The following EEF2K variants were observed in gnomAD, a reference collection of about 807,000 sequenced individuals.
EEF2K encodes eukaryotic elongation factor 2 kinase.
A neutral mutation model predicts 93.8 loss-of-function variants in EEF2K; 70 were observed. The ratio of observed to expected loss-of-function variants is 0.75; its 90% CI spans 0.62 to 0.91. The LOEUF is 0.91. Among genes scored for constraint, EEF2K ranks in the 40% least tolerant of loss-of-function variants. The pLI is 0.00. For missense variants in EEF2K, 935 were observed against 972.9 expected, an observed-to-expected ratio of 0.96 and a Z score of 0.52; for synonymous variants, 376 against 380.8, an observed-to-expected ratio of 0.99 and a Z score of 0.15.
chr16:22,279,595 A>G (rs769672431), intron 16 of EEF2K, among the ~76,000 whole-genome samples: 7 of 152,228 alleles, frequency 4.6e-5, no homozygotes, highest in Non-Finnish European at 7.3e-5. Context: ...ATTTTAAAAT[A>G]TACAATTACA....
intron 1 of EEF2K, among the ~76,000 whole-genome samples, chr16:22,217,628 T>G (rs907421123): frequency 6.6e-6 from 1 of 152,182 alleles, no homozygotes; most frequent in African/African-American, 2.4e-5. Flanking sequence ...AATTTTTGTA[T>G]TTTTAGTAGA....
chr16:22,250,898 C>A (rs1314468720), intron 5 of EEF2K, among the ~76,000 whole-genome samples: 1 of 152,216 alleles, frequency 6.6e-6, no homozygotes, highest in South Asian at 2.1e-4. Flanking sequence ...GAACACCCCA[C>A]TTACCTCTGC....
At chr16:22,207,969 C>T (rs748106427) in intron 1 of EEF2K, among the ~76,000 whole-genome samples, 1 of 152,130 alleles carries the variant, frequency 6.6e-6, no homozygotes, top group Non-Finnish European at 1.5e-5. Context: ...AGGTGTCTTC[C>T]TTCTGTGTGG....
chr16:22,266,911 G>T, intron 15 of EEF2K, 35 bp downstream of exon 15: 1 of 1,570,272 alleles, frequency 6.4e-7, no homozygotes, highest in Non-Finnish European at 8.7e-7. Context: ...TGCAGGTGGG[G>T]GTGGGACTTG....
In EEF2K at chr16:22,267,531, G is replaced by T. The variant is rs150875974; in HGVS notation, c.1764+655G>T. Among the ~76,000 whole-genome samples, 694 of 151,854 alleles carry T rather than the reference G, an allele frequency of 4.6e-3. 4 individuals are homozygous for T. Among genetic ancestry groups the T allele is most frequent in the Non-Finnish European group, 7.1e-3 (480 of 67,946 alleles). On this transcript the variant is annotated intron_variant, in intron 15 of 17. Coordinates refer to ENST00000263026, the MANE Select transcript of EEF2K (RefSeq NM_013302.5). ...AATCTCTTGAACCTGGGAGACAGAG[G>T]TTATAGTGAGCTGAGATCACACTAC...
chr16:22,253,557 T>C (rs1598189169), intron 6 of EEF2K, among the ~76,000 whole-genome samples: 1 of 152,240 alleles, frequency 6.6e-6, no homozygotes, highest in East Asian at 1.9e-4. Context: ...TAGCTACTTC[T>C]TATAGTTCAG....
chr16:22,274,755 G>A (rs1292097598), intron 16 of EEF2K, among the ~76,000 whole-genome samples: 1 of 151,760 alleles, frequency 6.6e-6, no homozygotes, highest in East Asian at 1.9e-4. Context: ...CTACAGGCAT[G>A]TACCACCACA....
chr16:22,217,741 C>T (rs2046973031), intron 1 of EEF2K, among the ~76,000 whole-genome samples: 1 of 152,178 alleles, frequency 6.6e-6, no homozygotes, highest in African/African-American at 2.4e-5. Context: ...GCGTGAGCCA[C>T]CGTGCCTGGC....
In EEF2K at chr16:22,271,000, C is replaced by T. The variant is rs1419167876; in HGVS notation, c.1765-2626C>T. ...TTTTTTTTTTTTTGAGACAGGCTCT[C>T]GCTCTGCTGCCCAGGCTGGAGTGCA... On this transcript the variant is annotated intron_variant, in intron 15 of 17. Coordinates refer to ENST00000263026, the MANE Select transcript of EEF2K (RefSeq NM_013302.5). Among the ~76,000 whole-genome samples, 3 of 144,592 alleles carry T rather than the reference C, an allele frequency of 2.1e-5. No homozygotes were observed. The East Asian group carries it at 6.0e-4, about 29-fold the overall frequency. 94.9% of individuals were successfully genotyped at this position (144,592 alleles called of 152,430 possible).
At chr16:22,226,169 G>A (rs961226460) in intron 2 of EEF2K, among the ~76,000 whole-genome samples, 194 bp downstream of exon 2, 4 of 152,120 alleles carry the variant, frequency 2.6e-5, no homozygotes, top group African/African-American at 9.7e-5. Flanking sequence ...TTGGAACTGG[G>A]TGTTTTTCAA....
intron 11 of EEF2K, 28 bp downstream of exon 11, chr16:22,260,557 G>T: frequency 6.2e-7 from 1 of 1,613,812 alleles, no homozygotes; most frequent in Non-Finnish European, 8.5e-7. Context: ...GAGGCTGCAG[G>T]CTTCAGACCC....
intron 3 of EEF2K, among the ~76,000 whole-genome samples, 184 bp downstream of exon 3, chr16:22,244,914 G>A (rs2047271916): frequency 6.6e-6 from 1 of 152,108 alleles, no homozygotes; most frequent in African/African-American, 2.4e-5. Context: ...CCTTCTCGTG[G>A]TTCTCACAAG....
intron 2 of EEF2K, among the ~76,000 whole-genome samples, chr16:22,236,952 TTTTTTTTTTTG>T (rs1333723156): frequency 7.6e-6 from 1 of 131,878 alleles, no homozygotes; most frequent in Non-Finnish European, 1.6e-5. Context: ...TTTTTTTTTT[TTTTTTTTTTTG>T]AGACAGAGTC....
chr16:22,267,972 G>A (rs558309617), intron 15 of EEF2K, among the ~76,000 whole-genome samples: 4 of 152,092 alleles, frequency 2.6e-5, no homozygotes, highest in Non-Finnish European at 5.9e-5. Flanking sequence ...TCCCCATCAC[G>A]TGGGCCAACG....
intron 5 of EEF2K, 128 bp downstream of exon 5, chr16:22,250,819 C>T: frequency 8.0e-7 from 1 of 1,242,268 alleles, no homozygotes; most frequent in Non-Finnish European, 1.1e-6. Flanking sequence ...AGCCCAGGTT[C>T]CTGTCCATCT....
At chr16:22,246,387 C>T (rs918364665) in intron 3 of EEF2K, among the ~76,000 whole-genome samples, 11 of 151,410 alleles carry the variant, frequency 7.3e-5, no homozygotes, top group African/African-American at 1.5e-4. Context: ...TGGTGGTAGG[C>T]GCCTGTAATC....
At chr16:22,222,352 C>T (rs1032934473) in intron 1 of EEF2K, among the ~76,000 whole-genome samples, 3 of 151,780 alleles carry the variant, frequency 2.0e-5, no homozygotes, top group Admixed American at 6.6e-5. Context: ...ACTACAGGCA[C>T]GCACCATCAC....
Position 22,258,648 on chromosome 16 carries a change from C to CTT in EEF2K, c.1185_1186dup (p.Ser396PhefsTer13), listed in dbSNP as rs1567281280. On this transcript the variant is annotated frameshift_variant, in exon 10 of 18. Transcript: ENST00000263026. LOFTEE classifies it high-confidence loss of function. ...GACGTGACCTTCGACTCTCTCCCTT[C>CTT]TTCCCCATCTTCGGCCACACCACAC... 6.2e-7 allele frequency: 1 copy of CTT among 1,614,218 alleles called. No individual in the cohort carries two copies. Among genetic ancestry groups the CTT allele is most frequent in the Non-Finnish European group, 8.5e-7 (1 of 1,180,046 alleles).
chr16:22,223,610 T>C (rs564695483), intron 1 of EEF2K, among the ~76,000 whole-genome samples: 2 of 152,214 alleles, frequency 1.3e-5, no homozygotes, highest in Non-Finnish European at 1.5e-5. Context: ...GAAAAGATTC[T>C]TCCTTCCCTG....
Sources: gnomAD v4.1 joint callset for allele counts (sites outside exome capture counted in the v4.1 genomes callset) on GRCh38, gnomAD v4.1.1 for gene constraint, MANE v1.5 for transcripts, NCBI Gene and HGNC (gene_info 2026-07-23, HGNC 2026-07-21) for gene names.